The following DPYD variants were observed in gnomAD, a reference collection of about 807,000 sequenced individuals.
The protein encoded by DPYD is dihydropyrimidine dehydrogenase [NADP(+)].
A neutral mutation model predicts 116.2 loss-of-function variants in DPYD; 109 were observed. The ratio of observed to expected loss-of-function variants is 0.94; its 90% CI spans 0.80 to 1.10. The LOEUF (loss-of-function observed/expected upper bound fraction) is 1.10, where lower values mean the gene tolerates loss of function less well. Among genes scored for constraint, DPYD ranks in the 50% least tolerant of loss-of-function variants. The pLI, the probability that DPYD is intolerant of heterozygous loss-of-function variation, is 0.00. For missense variants in DPYD, 1,302 were observed against 1,254.5 expected, an observed-to-expected ratio of 1.04 and a Z score of -0.57; for synonymous variants, 440 against 432.0, an observed-to-expected ratio of 1.02 and a Z score of -0.23.
rs1354053040 is a variant in DPYD at position 97,515,799 on chromosome 1, C to T, written c.1667G>A (p.Ser556Asn). ...FGLASATPAT[S>N]TSMIRRAFEA... Reference sequence around the variant, plus strand: ...AAAAGCTCTTCGAATCATTGATGTGCTGGTGGCTGGAGTTGCGCTAGCAAG... The same window carrying T: ...AAAAGCTCTTCGAATCATTGATGTGTTGGTGGCTGGAGTTGCGCTAGCAAG... Residue 556 changes from serine (S) to asparagine (N), a missense_variant, in exon 13 of 23, where the codon AGC becomes AAC. Physicochemically the swap from Ser to Asn is conservative, Grantham distance 46. Transcript: ENST00000370192. 4 of 1,612,922 alleles carry T rather than the reference C, an allele frequency of 2.5e-6. No homozygotes were observed. The highest frequency in any genetic ancestry group is 3.4e-6 in the Non-Finnish European group (4 of 1,179,272).
At chr1:97,093,074 T>C (rs1048415365) in intron 21 of DPYD, among the ~76,000 whole-genome samples, 3 of 152,162 alleles carry the variant, frequency 2.0e-5, no homozygotes, top group Non-Finnish European at 2.9e-5. Context: ...GAGGCTTTCA[T>C]TGGCCCCTTC....
At chr1:97,598,863 T>C (rs1389621788) in intron 8 of DPYD, among the ~76,000 whole-genome samples, 3 of 152,136 alleles carry the variant, frequency 2.0e-5, no homozygotes, top group Admixed American at 6.5e-5. Flanking sequence ...TCACAGAACA[T>C]GTAAGAAGCA....
At chr1:97,628,124 TC>T (rs1657042300) in intron 8 of DPYD, among the ~76,000 whole-genome samples, 1 of 152,032 alleles carries the variant, frequency 6.6e-6, no homozygotes, top group African/African-American at 2.4e-5. Context: ...GTCTTCCAAA[TC>T]TTGACCACTT....
intron 3 of DPYD, among the ~76,000 whole-genome samples, chr1:97,743,700 T>C (rs1404314492): frequency 1.3e-5 from 2 of 152,136 alleles, no homozygotes; most frequent in South Asian, 2.1e-4. Context: ...ATTGATACCA[T>C]GAAAAATCAC....
intron 7 of DPYD, among the ~76,000 whole-genome samples, chr1:97,684,148 T>C (rs1660581241): frequency 1.3e-5 from 2 of 152,296 alleles, no homozygotes; most frequent in East Asian, 3.9e-4. Flanking sequence ...GTGAGACCTT[T>C]CTAGCTTTCT....
At chr1:97,910,973 C>T (rs1234555423) in intron 1 of DPYD, among the ~76,000 whole-genome samples, 1 of 151,460 alleles carries the variant, frequency 6.6e-6, no homozygotes, top group Non-Finnish European at 1.5e-5. Context: ...AAAATAAAAC[C>T]CAAAATATTT....
chr1:97,463,670 T>C (rs1677144463), intron 13 of DPYD, among the ~76,000 whole-genome samples: 1 of 152,188 alleles, frequency 6.6e-6, no homozygotes, highest in Non-Finnish European at 1.5e-5. Flanking sequence ...AAAATGCTGA[T>C]AATGATAAGG....
At chr1:97,591,729 A>AT (rs1255339898) in intron 10 of DPYD, among the ~76,000 whole-genome samples, 1 of 152,208 alleles carries the variant, frequency 6.6e-6, no homozygotes, top group Non-Finnish European at 1.5e-5. Context: ...AATCAGAAGG[A>AT]TAAGACTTAA....
intron 3 of DPYD, among the ~76,000 whole-genome samples, chr1:97,760,354 T>A (rs1337263924): frequency 6.6e-6 from 1 of 152,112 alleles, no homozygotes; most frequent in Non-Finnish European, 1.5e-5. Context: ...TCCTCCCGTA[T>A]CAGTGGGTTT....
chr1:97,589,990 T>TA (rs1301819717), intron 10 of DPYD, among the ~76,000 whole-genome samples: 1 of 152,202 alleles, frequency 6.6e-6, no homozygotes, highest in African/African-American at 2.4e-5. Flanking sequence ...TCATATTGGC[T>TA]AAAAATTATG....
At chr1:97,827,872 A>G (rs998654108) in intron 3 of DPYD, among the ~76,000 whole-genome samples, 7 of 152,172 alleles carry the variant, frequency 4.6e-5, no homozygotes, top group Admixed American at 1.3e-4. Flanking sequence ...ATAAAACAAG[A>G]CACCCCTTAA....
At chr1:97,155,709 C>G (rs1343835071) in intron 20 of DPYD, among the ~76,000 whole-genome samples, 2 of 151,614 alleles carry the variant, frequency 1.3e-5, no homozygotes, top group Non-Finnish European at 2.9e-5. Context: ...TTTGTAACCT[C>G]TTTAGATTCT....
chr1:97,123,244 T>C (rs1027967447), intron 20 of DPYD, among the ~76,000 whole-genome samples: 1 of 152,164 alleles, frequency 6.6e-6, no homozygotes, highest in African/African-American at 2.4e-5. Flanking sequence ...TTACTCTATA[T>C]GTCGGTCAGT....
intron 3 of DPYD, among the ~76,000 whole-genome samples, chr1:97,777,578 C>T (rs1167184757): frequency 6.6e-6 from 1 of 152,196 alleles, no homozygotes; most frequent in Non-Finnish European, 1.5e-5. Flanking sequence ...CCCTAGAACA[C>T]AGGTCTTCCC....
chr1:97,101,465 C>T (rs1310902624), intron 20 of DPYD, among the ~76,000 whole-genome samples: 10 of 72,372 alleles, frequency 1.4e-4, no homozygotes, highest in South Asian at 6.6e-4. Flanking sequence ...GTGTTTTGAT[C>T]TTGCAAAAAA....
intron 14 of DPYD, among the ~76,000 whole-genome samples, chr1:97,439,192 C>G (rs1242698636): frequency 1.3e-5 from 2 of 151,990 alleles, no homozygotes; most frequent in South Asian, 4.1e-4. Flanking sequence ...AACTATGCTA[C>G]TTTCAAATAT....
intron 1 of DPYD, among the ~76,000 whole-genome samples, chr1:97,918,520 T>G (rs1260972675): frequency 6.6e-6 from 1 of 152,252 alleles, no homozygotes; most frequent in Non-Finnish European, 1.5e-5. Context: ...CCCAGGGATA[T>G]TCCAGCTATG....
At chr1:97,660,763 T>TAGAA (rs1294357146) in intron 8 of DPYD, among the ~76,000 whole-genome samples, 3 of 152,130 alleles carry the variant, frequency 2.0e-5, no homozygotes, top group Non-Finnish European at 4.4e-5. Flanking sequence ...CCTTAGAACT[T>TAGAA]TTTCTGTCTT....
At chr1:97,183,219 G>T (rs1267859472) in intron 20 of DPYD, among the ~76,000 whole-genome samples, 1 of 152,018 alleles carries the variant, frequency 6.6e-6, no homozygotes, top group Non-Finnish European at 1.5e-5. Flanking sequence ...ACTCTAAAAA[G>T]AAAGTCTTAT....
Sources: gnomAD v4.1 joint callset for allele counts (sites outside exome capture counted in the v4.1 genomes callset) on GRCh38, gnomAD v4.1.1 for gene constraint, MANE v1.5 for transcripts, NCBI Gene and HGNC (gene_info 2026-07-23, HGNC 2026-07-21) for gene names.